The following PLEC variants were observed in gnomAD, a reference collection of about 807,000 sequenced individuals.
PLEC encodes the protein hemidesmosomal protein 1.
A neutral mutation model predicts 392.8 loss-of-function variants in PLEC; 216 were observed. That is an observed-to-expected ratio of 0.55 (90% CI 0.49 to 0.62). The LOEUF (loss-of-function observed/expected upper bound fraction) is 0.62. PLEC is among the 20% of genes least tolerant of loss of function. The pLI is 0.00. For synonymous variants in PLEC, 3,621 were observed against 2,980.6 expected (o/e 1.21, Z -7.00); for missense variants, 6,863 against 6,563.4 (o/e 1.05, Z -1.58).
chr8:143,921,556 C>T lies in PLEC; in HGVS notation c.8265G>A (p.Lys2755=). ...GCAGCTCGGGGCCCACCACACCCTCCTTCACAGCCTCGTTGACGGTCAGCC... is the reference window on the plus strand; with the variant it reads ...GCAGCTCGGGGCCCACCACACCCTCTTTCACAGCCTCGTTGACGGTCAGCC... ...NRRLTVNEAV[K]EGVVGPELHH... The change falls in exon 32 of 32, where the codon AAG becomes AAA. Residue 2755 remains lysine, a synonymous_variant. Transcript: ENST00000345136. The T allele has an allele frequency of 6.2e-7, 1 of 1,612,746 alleles. No individual in the cohort carries two copies.
In PLEC at chr8:143,917,452, C is replaced by T. The variant is rs967873942; in HGVS notation, c.12369G>A (p.Glu4123=). ...AGGACGTCTTCCGCTCCCGCTTCTT[C>T]TCCTTCAGCGGCAAGAGACACAGGC... ...QTGLCLLPLK[E]KKRERKTSSK... The change falls in exon 32 of 32, where the codon GAG becomes GAA. Residue 4123 remains glutamate, a synonymous_variant. Transcript: ENST00000345136. The T allele has an allele frequency of 1.5e-5, 24 of 1,613,562 alleles. No homozygotes were observed. The highest frequency in any genetic ancestry group is 1.7e-5 in the Non-Finnish European group (20 of 1,180,042).
intron 19 of PLEC, among the ~76,000 whole-genome samples, chr8:143,931,253 G>C (rs1367258193): frequency 6.6e-6 from 1 of 152,110 alleles, no homozygotes; most frequent in Non-Finnish European, 1.5e-5. Context: ...CTGCCTCTCG[G>C]CTCCCCACAT....
chr8:143,944,730 C>G, intron 1 of PLEC: 1 of 1,270,540 alleles, frequency 7.9e-7, no homozygotes, highest in Non-Finnish European at 1.0e-6. Context: ...TCACAGGCCC[C>G]TCGGAGGAGG....
At chr8:143,975,421 G>T (rs1554745801), upstream of PLEC, 2 of 1,539,394 alleles carry the variant, frequency 1.3e-6, no homozygotes, top group East Asian at 2.3e-5. The surrounding 1 kb of genome is among the most constrained non-coding windows in gnomAD (Gnocchi z 9.9). Flanking sequence ...GTTCAGGAGT[G>T]GACTCTGCAC....
In PLEC at chr8:143,929,397, G is replaced by C. The variant is rs534430310; in HGVS notation, c.3081+17C>G. ...TGGGGAGAGGGATGGGACTGGATGG[G>C]GGGGGACGGCCCCTGCCTGCTGCTC... On this transcript the variant is annotated intron_variant, in intron 24 of 31. Transcript: ENST00000345136. 1.7e-5 allele frequency: 27 copies of C among 1,561,574 alleles called. No homozygotes were observed. The highest frequency in any genetic ancestry group is 2.7e-5 in the African/African-American group (2 of 74,080).
rs1820927700 is a variant in PLEC, at chr8:143,917,412, G to A, written c.12409C>T (p.Arg4137Cys). 6.2e-7 allele frequency: 1 copy of A among 1,612,830 alleles called. No homozygotes were observed. The highest frequency in any genetic ancestry group is 8.5e-7 in the Non-Finnish European group (1 of 1,180,006). Residue 4137 changes from arginine to cysteine, a missense_variant, in exon 32 of 32, where the codon CGC (arginine) becomes TGC (cysteine). Arg to Cys is a radical substitution (Grantham distance 180). Coordinates refer to ENST00000345136, the MANE Select transcript of PLEC (RefSeq NM_201384.3). Reference sequence around the variant, plus strand: ...TCCACGATGACCACTCGGCGCTTGCGCACGGAGGACTTGGAGGACGTCTTC... The same window carrying A: ...TCCACGATGACCACTCGGCGCTTGCACACGGAGGACTTGGAGGACGTCTTC... ...ERKTSSKSSV[R>C]KRRVVIVDPE...
Position 143,924,056 on chromosome 8 carries a change from G to A in PLEC, c.5873C>T (p.Thr1958Met), listed in dbSNP as rs200715520. 294 of 1,596,732 alleles carry A rather than the reference G, an allele frequency of 1.8e-4. 2 individuals are homozygous for A. In the South Asian group the frequency reaches 2.2e-3, roughly 12 times the overall value. The change falls in exon 31 of 32, where the codon ACG becomes ATG. Residue 1958 changes from threonine (T) to methionine (M), a missense_variant. Physicochemically the swap from Thr to Met is moderately conservative, Grantham distance 81. Transcript: ENST00000345136. ...LGRIRSNAED[T>M]LRSKEQAELE... is the part of the protein sequence containing the mutation. ...CTCGGCCTGCTCCTTGCTGCGCAGC[G>A]TGTCCTCCGCGTTGCTGCGGATGCG...
exon 1 of PLEC, chr8:143,950,739 A>C: frequency 6.5e-7 from 1 of 1,544,080 alleles, no homozygotes; most frequent in South Asian, 1.2e-5. Flanking sequence ...GTGCGGGGGC[A>C]AAGGCAGCAG....
At position 143,916,755 on chromosome 8, in the gene PLEC, A is replaced by C; in HGVS notation, c.13066T>G (p.Phe4356Val). 6.2e-7 allele frequency: 1 copy of C among 1,613,274 alleles called. No homozygotes were observed. Among genetic ancestry groups the C allele is most frequent in the Non-Finnish European group, 8.5e-7 (1 of 1,179,964 alleles). ...GTGCGTGGGTCCTCGAAGCCGCAGA[A>C]GGCCTTCTGGGCCAGGTTGATGCGG... ...VDRINLAQKA[F>V]CGFEDPRTKT... Residue 4356 changes from phenylalanine to valine, a missense_variant, in exon 32 of 32, where the codon TTC (phenylalanine) becomes GTC (valine). Physicochemically the swap from Phe to Val is conservative, Grantham distance 50 (BLOSUM62 -1). Transcript: ENST00000345136.
rs1196107709 is a variant in PLEC at position 143,969,643 on chromosome 8, G to C, written c.70+3760C>G. Among the ~76,000 whole-genome samples the C allele has an allele frequency of 6.6e-6, 1 of 152,118 alleles. No individual in the cohort carries two copies. Among genetic ancestry groups the C allele is most frequent in the Non-Finnish European group, 1.5e-5 (1 of 67,998 alleles). On this transcript the variant is annotated intron_variant, in intron 1 of 31. Transcript: ENST00000356346. The surrounding 1 kb of genome is among the most constrained non-coding windows in gnomAD (Gnocchi z 5.1). ...GTGAGGCGGTCAGTGAAGAAAGAAA[G>C]AGCGGCCCAGCAGCAGTCCAGCGTT...
chr8:143,935,748 C>T, intron 6 of PLEC, 100 bp downstream of exon 6: 1 of 1,342,044 alleles, frequency 7.5e-7, no homozygotes, highest in Non-Finnish European at 1.0e-6. Flanking sequence ...ATCCCTGTTC[C>T]TCCTGCCCTC....
At chr8:143,957,941 G>A (rs1325461232), upstream of PLEC, among the ~76,000 whole-genome samples, 1 of 152,162 alleles carries the variant, frequency 6.6e-6, no homozygotes, top group Non-Finnish European at 1.5e-5. Flanking sequence ...CCTGCTGGCA[G>A]ATACCTCCAC....
intron 5 of PLEC, 128 bp downstream of exon 5, chr8:143,936,851 T>G (rs1320489718): frequency 2.7e-6 from 2 of 742,726 alleles, no homozygotes; most frequent in Admixed American, 4.2e-5. Flanking sequence ...GGTGCCACCA[T>G]ACCTACGGCG....
rs1554682535 is a variant in PLEC, at chr8:143,920,655, C to T, written c.9166G>A (p.Ala3056Thr). The T allele has an allele frequency of 5.0e-6, 8 of 1,604,494 alleles. No homozygotes were observed. In the South Asian group the frequency reaches 5.5e-5, roughly 11 times the overall value. The change falls in exon 32 of 32, where the codon GCC (alanine) becomes ACC (threonine). Residue 3056 changes from alanine to threonine, a missense_variant. Transcript: ENST00000345136. ...GTGCCGGCCTGGGCTTCCAACAGGG[C>T]CACGGCCATGTCGGATGGCAGCAGG... ...KDLLPSDMAV[A>T]LLEAQAGTGH...
Position 143,920,308 on chromosome 8 carries a change from C to T in PLEC, c.9513G>A (p.Leu3171=), listed in dbSNP as rs1554681376. The change falls in exon 32 of 32, where the codon CTG becomes CTA. Residue 3171 remains leucine, a synonymous_variant. Coordinates refer to ENST00000345136, the MANE Select transcript of PLEC (RefSeq NM_201384.3). ...GCLDEETSRA[L]SAPRADAKAY... ...CCTTGGCGTCGGCCCTTGGTGCCGA[C>T]AGGGCCCTGCTGGTCTCCTCATCCA... 6.3e-7 allele frequency: 1 copy of T among 1,590,650 alleles called. No homozygotes were observed.
At chr8:143,932,592 C>T (rs531754210) in intron 15 of PLEC, 31 bp from the exon 16 acceptor site, 169 of 1,612,212 alleles carry the variant, frequency 1.0e-4, no homozygotes, top group Admixed American at 1.5e-4. Flanking sequence ...GTCAGCAGGC[C>T]GCGGGCTACC....
chr8:143,918,185 T>A lies in PLEC; in HGVS notation c.11636A>T (p.Asp3879Val). The stretch of plus-strand genomic sequence containing the variant: ...GCCACGGAAGGTCAGCTTGCGGGCG[T>A]CCGACAGTGGCAGGAGCAGCTGGCC... ...GTGQLLLPLS[D>V]ARKLTFRGLR... Residue 3879 changes from aspartate (D) to valine (V), a missense_variant, in exon 32 of 32, where the codon GAC becomes GTC. Transcript: ENST00000345136. 2 of 1,592,818 alleles carry A rather than the reference T, an allele frequency of 1.3e-6. No homozygotes were observed. Among genetic ancestry groups the A allele is most frequent in the Middle Eastern group, 3.5e-4 (2 of 5,650 alleles).
At chr8:143,936,446 C>A (rs1350796501) in intron 5 of PLEC, among the ~76,000 whole-genome samples, 1 of 152,208 alleles carries the variant, frequency 6.6e-6, no homozygotes, top group Non-Finnish European at 1.5e-5. Flanking sequence ...GGCTGGGGGT[C>A]GAGCTCCATC....
rs560077433 is a variant in PLEC at position 143,916,293 on chromosome 8, C to T, written c.13528G>A (p.Gly4510Ser). 79 of 1,574,258 alleles carry T rather than the reference C, an allele frequency of 5.0e-5. No individual in the cohort carries two copies. In the African/African-American group the frequency reaches 6.6e-4, roughly 13 times the overall value. Residue 4510 changes from glycine (G) to serine (S), a missense_variant, in exon 32 of 32, where the codon GGC becomes AGC. By Grantham distance (56) the Gly-to-Ser change is moderately conservative. Coordinates refer to ENST00000345136, the MANE Select transcript of PLEC (RefSeq NM_201384.3). ...GAGAAGGTCATGGAGAAGCCGGAGC[C>T]GGTGGCGTCAAAGCTGCCGCGGCGG... ...GSRRGSFDAT[G>S]SGFSMTFSSS...
Sources: gnomAD v4.1 joint callset for allele counts (sites outside exome capture counted in the v4.1 genomes callset) on GRCh38, gnomAD v4.1.1 for gene constraint, Gnocchi (gnomAD v3.1) non-coding constraint, MANE v1.5 for transcripts, NCBI Gene and HGNC (gene_info 2026-07-23, HGNC 2026-07-21) for gene names.